The following ROBO2 variants were observed in gnomAD, a reference collection of about 807,000 sequenced individuals.
ROBO2 encodes the protein roundabout guidance receptor 2.
In ROBO2, 53 loss-of-function variants were observed where a neutral mutation model predicts 160.8. The observed-to-expected ratio is 0.33, with a 90% CI of 0.26 to 0.41. ROBO2 has a LOEUF of 0.41. Ranked by LOEUF, ROBO2 falls within the 10% of genes least tolerant of loss-of-function variation. ROBO2 has a pLI of 1.00. For synonymous variants in ROBO2, 664 were observed against 611.7 expected, an observed-to-expected ratio of 1.09 and a Z score of -1.26; for missense variants, 1,577 against 1,722.4, an observed-to-expected ratio of 0.92 and a Z score of 1.49.
chr3:77,083,966 G>A (rs1307311819), intron 1 of ROBO2, among the ~76,000 whole-genome samples: 2 of 152,070 alleles, frequency 1.3e-5, no homozygotes, highest in African/African-American at 2.4e-5. Context: ...TGAACACCAT[G>A]AGAGGGAATG....
At chr3:76,318,455 A>T (rs2072232155) in intron 2 of ROBO2, among the ~76,000 whole-genome samples, 1 of 152,140 alleles carries the variant, frequency 6.6e-6, no homozygotes, top group Non-Finnish European at 1.5e-5. Context: ...AATTACACAC[A>T]TGCATATACA....
chr3:77,048,046 C>CA (rs955755669), intron 1 of ROBO2, among the ~76,000 whole-genome samples: 13 of 149,766 alleles, frequency 8.7e-5, no homozygotes, highest in South Asian at 2.1e-4. Flanking sequence ...GACTCCGTCT[C>CA]AAAAAAAAAG....
At chr3:76,907,793 T>C (rs527971138) in intron 2 of ROBO2, among the ~76,000 whole-genome samples, 30 of 150,950 alleles carry the variant, frequency 2.0e-4, no homozygotes, top group Non-Finnish European at 4.0e-4. Context: ...TCATGGATAT[T>C]CATGGCCTTT....
chr3:76,641,850 AC>A (rs1228851871), intron 2 of ROBO2, among the ~76,000 whole-genome samples: 5 of 151,910 alleles, frequency 3.3e-5, no homozygotes, highest in African/African-American at 1.2e-4. Flanking sequence ...CCATCCTCCC[AC>A]CTCAGCCTCC....
At chr3:76,103,687 G>C (rs943122950) in intron 2 of ROBO2, among the ~76,000 whole-genome samples, 3 of 152,254 alleles carry the variant, frequency 2.0e-5, no homozygotes, top group Non-Finnish European at 4.4e-5. Context: ...CATTTGAAAA[G>C]GTTACTTAAA....
intron 2 of ROBO2, among the ~76,000 whole-genome samples, chr3:77,276,756 T>A (rs1333833638): frequency 6.6e-6 from 1 of 152,008 alleles, no homozygotes; most frequent in Non-Finnish European, 1.5e-5. Flanking sequence ...GGGTAATGTA[T>A]AAAGGAAAGA....
chr3:77,156,606 A>C (rs2078028803), intron 2 of ROBO2, among the ~76,000 whole-genome samples: 1 of 151,936 alleles, frequency 6.6e-6, no homozygotes, highest in Admixed American at 6.6e-5. Context: ...TATGTGAAAT[A>C]AATTCTTAAC....
chr3:77,016,938 A>G (rs2062306217), intron 2 of ROBO2, among the ~76,000 whole-genome samples: 1 of 152,210 alleles, frequency 6.6e-6, no homozygotes, highest in Admixed American at 6.5e-5. Flanking sequence ...AGCTTCATAT[A>G]TTATAATAAT....
chr3:77,317,980 G>A (rs1029387039), intron 2 of ROBO2, among the ~76,000 whole-genome samples: 4 of 151,680 alleles, frequency 2.6e-5, no homozygotes, highest in African/African-American at 2.4e-5. Context: ...GCTCCACATT[G>A]CGAAGAAGGT....
chr3:76,117,925 GA>G (rs1206964190), intron 2 of ROBO2, among the ~76,000 whole-genome samples: 3 of 151,964 alleles, frequency 2.0e-5, no homozygotes. Context: ...AAGGTAGCAA[GA>G]AAGAGCAACA....
Position 76,492,530 on chromosome 3 carries a change from C to A in ROBO2, c.109+554928C>A, listed in dbSNP as rs987618647. On this transcript the variant is annotated intron_variant, in intron 2 of 26. Transcript: ENST00000487694. Reference sequence around the variant, plus strand: ...ATGGCAAAATTGTCACAAATAAGAACTTTGACATTTAGTTTTCAAAAGTGC... The same window carrying A: ...ATGGCAAAATTGTCACAAATAAGAAATTTGACATTTAGTTTTCAAAAGTGC... 2.0e-5 allele frequency among the ~76,000 whole-genome samples: 3 copies of A among 149,832 alleles called. No individual in the cohort carries two copies. The East Asian group carries it at 5.9e-4, about 30-fold the overall frequency.
chr3:76,358,819 T>C (rs1320471798), intron 2 of ROBO2, among the ~76,000 whole-genome samples: 1 of 151,696 alleles, frequency 6.6e-6, no homozygotes, highest in Non-Finnish European at 1.5e-5. Context: ...ATGTGCACAA[T>C]GTGAAGGTTA....
intron 2 of ROBO2, among the ~76,000 whole-genome samples, chr3:76,107,319 G>T (rs1465219767): frequency 2.6e-5 from 4 of 152,078 alleles, no homozygotes; most frequent in African/African-American, 9.7e-5. Context: ...TTTGGAGCCT[G>T]TGTGTGTCAC....
At chr3:75,911,802 C>T (rs1186667285) in intron 1 of ROBO2, among the ~76,000 whole-genome samples, 3 of 151,778 alleles carry the variant, frequency 2.0e-5, no homozygotes, top group African/African-American at 7.3e-5. Context: ...GTGATCCGCC[C>T]GTCTCGGCCT....
At chr3:77,033,965 C>A (rs1412605694) in intron 2 of ROBO2, among the ~76,000 whole-genome samples, 1 of 151,656 alleles carries the variant, frequency 6.6e-6, no homozygotes, top group African/African-American at 2.4e-5. Flanking sequence ...AAAATTTGTA[C>A]CTAGTTGTCA....
At chr3:75,990,832 G>A (rs1410714386) in intron 2 of ROBO2, among the ~76,000 whole-genome samples, 1 of 152,160 alleles carries the variant, frequency 6.6e-6, no homozygotes, top group African/African-American at 2.4e-5. Context: ...TTATTTATGA[G>A]TGTGTCTGTG....
intron 16 of ROBO2, among the ~76,000 whole-genome samples, chr3:77,586,439 C>A (rs2094051221): frequency 6.6e-6 from 1 of 152,052 alleles, no homozygotes; most frequent in South Asian, 2.1e-4. Flanking sequence ...TTTAGTCCAA[C>A]AAATTAGTTT....
At chr3:75,948,168 T>A (rs1481286213) in intron 2 of ROBO2, among the ~76,000 whole-genome samples, 1 of 152,098 alleles carries the variant, frequency 6.6e-6, no homozygotes, top group African/African-American at 2.4e-5. Context: ...ATCTAGCTGT[T>A]GTGTTTAGTG....
intron 2 of ROBO2, among the ~76,000 whole-genome samples, chr3:76,804,372 C>A (rs1205813674): frequency 5.3e-5 from 8 of 152,164 alleles, no homozygotes; most frequent in Non-Finnish European, 1.0e-4. Flanking sequence ...CAGAATTGAA[C>A]ATGGTACAGC....
Sources: allele counts gnomAD v4.1 joint callset (sites outside exome capture counted in the v4.1 genomes callset), GRCh38; gene constraint gnomAD v4.1.1; transcripts MANE v1.5; gene names NCBI Gene and HGNC (gene_info 2026-07-23, HGNC 2026-07-21).